The following EHMT1 variants were observed in gnomAD, a reference collection of about 807,000 sequenced individuals.
EHMT1 encodes histone-lysine N-methyltransferase EHMT1.
In EHMT1, 15 loss-of-function variants were observed where a neutral mutation model predicts 147.2. The ratio of observed to expected loss-of-function variants is 0.10; its 90% CI spans 0.07 to 0.16. EHMT1 has a LOEUF of 0.16. Ranked by LOEUF, EHMT1 falls within the 10% of genes least tolerant of loss-of-function variation. The probability of loss-of-function intolerance (pLI) is 1.00; values close to 1 mark genes in which losing one functional copy is unlikely to be tolerated. For synonymous variants in EHMT1, 795 were observed against 709.6 expected (o/e 1.12, Z -1.91); for missense variants, 1,587 against 1,772.4 (o/e 0.90, Z 1.88).
At chr9:137,710,629 C>G (rs911309224) in intron 1 of EHMT1, among the ~76,000 whole-genome samples, 7 of 152,068 alleles carry the variant, frequency 4.6e-5, no homozygotes, top group Non-Finnish European at 2.9e-5. Context: ...GAATTATTGT[C>G]AGCAGTAGAA....
intron 1 of EHMT1, among the ~76,000 whole-genome samples, chr9:137,636,489 G>A (rs953432477): frequency 6.6e-6 from 1 of 152,068 alleles, no homozygotes; most frequent in African/African-American, 2.4e-5. Flanking sequence ...TTAGAGGAAA[G>A]CTTTTAGTTT....
chr9:137,660,124 C>A (rs1440173963), intron 1 of EHMT1, among the ~76,000 whole-genome samples: 2 of 151,920 alleles, frequency 1.3e-5, no homozygotes, highest in Non-Finnish European at 2.9e-5. Context: ...CGCTTGAGCT[C>A]AAGAGCTCGA....
rs1264927330 is a variant in EHMT1 at position 137,828,179 on chromosome 9, AG to A, written c.3541-6164del. Among the ~76,000 whole-genome samples, 2 of 152,022 alleles carry A rather than the reference AG, an allele frequency of 1.3e-5. No homozygotes were observed. Among genetic ancestry groups the A allele is most frequent in the African/African-American group, 4.8e-5 (2 of 41,386 alleles). On this transcript the variant is annotated intron_variant, in intron 25 of 26. Coordinates refer to ENST00000460843, the MANE Select transcript of EHMT1 (RefSeq NM_024757.5). This position sits in a 1 kb window ranked among gnomAD's most constrained non-coding sequence, Gnocchi z 5.3. ...TGTGCTGTGACCATCCACAGGCCCC[AG>A]GGGGGTGCTGGCGGGCATCAGGGAA...
Position 137,757,947 on chromosome 9 carries a change from C to T in EHMT1, c.1437C>T (p.Tyr479=), listed in dbSNP as rs765123516. Residue 479 remains tyrosine (Y), a synonymous_variant, in exon 9 of 27, where the codon TAC becomes TAT. Transcript: ENST00000460843. ...EQTAPGDSTG[Y]MEVSLDSLDL... Reference sequence around the variant, plus strand: ...CGGCACCAGGAGACAGCACAGGGTACATGGAAGTTTCTCTGGACTCCCTGG... The same window carrying T: ...CGGCACCAGGAGACAGCACAGGGTATATGGAAGTTTCTCTGGACTCCCTGG... 6.2e-7 allele frequency: 1 copy of T among 1,614,032 alleles called. No individual in the cohort carries two copies. The highest frequency in any genetic ancestry group is 1.1e-5 in the South Asian group (1 of 91,070).
chr9:137,670,014 C>T (rs937237243), intron 1 of EHMT1, among the ~76,000 whole-genome samples: 1 of 152,136 alleles, frequency 6.6e-6, no homozygotes, highest in South Asian at 2.1e-4. Context: ...TGTGCCATCA[C>T]GCCCAGCTAA....
chr9:137,828,253 G>C lies in EHMT1; in HGVS notation c.3541-6096G>C, dbSNP rs778128714. Among the ~76,000 whole-genome samples, 12 of 151,908 alleles carry C rather than the reference G, an allele frequency of 7.9e-5. No homozygotes were observed. Among genetic ancestry groups the C allele is most frequent in the Non-Finnish European group, 1.5e-4 (10 of 67,928 alleles). ...GCAGGGGTCAGAGGGGTGTGCCCAGGAGGAGCCCCTCTGCATTCTTCAGGG... is the reference window on the plus strand; with the variant it reads ...GCAGGGGTCAGAGGGGTGTGCCCAGCAGGAGCCCCTCTGCATTCTTCAGGG... On this transcript the variant is annotated intron_variant, in intron 25 of 26. Coordinates refer to ENST00000460843, the MANE Select transcript of EHMT1 (RefSeq NM_024757.5). The surrounding 1 kb of genome is among the most constrained non-coding windows in gnomAD (Gnocchi z 5.3).
Position 137,669,776 on chromosome 9 carries a change from C to G in EHMT1, c.22-41191C>G, listed in dbSNP as rs1020613538. ...TTATGTTGTCCAGGCTGTTCTTGAA[C>G]TCTTGGCCTTAAGTGATCCTCCCAT... On this transcript the variant is annotated intron_variant, in intron 1 of 26. Transcript: ENST00000460843. Among the ~76,000 whole-genome samples the G allele has an allele frequency of 2.0e-5, 3 of 152,180 alleles. No homozygotes were observed. In the East Asian group the frequency reaches 5.8e-4, roughly 29 times the overall value.
At chr9:137,637,107 C>T (rs904378170) in intron 1 of EHMT1, among the ~76,000 whole-genome samples, 1 of 151,758 alleles carries the variant, frequency 6.6e-6, no homozygotes, top group African/African-American at 2.4e-5. Flanking sequence ...CTGTGTTAGT[C>T]AGGATGGTCT....
chr9:137,760,330 T>C (rs10780188), intron 9 of EHMT1, among the ~76,000 whole-genome samples: 50,252 of 152,094 alleles, frequency 0.33, 8,583 homozygotes, highest in Admixed American at 0.43. Context: ...TGGCTGCTGT[T>C]GGCCAGTGCT....
chr9:137,808,059 G>C (rs1426180135), intron 18 of EHMT1, among the ~76,000 whole-genome samples: 1 of 152,184 alleles, frequency 6.6e-6, no homozygotes, highest in African/African-American at 2.4e-5. Flanking sequence ...GATCATGTTG[G>C]ATTTTGCTTT....
At chr9:137,724,350 A>G (rs1588386905) in intron 3 of EHMT1, among the ~76,000 whole-genome samples, 1 of 143,810 alleles carries the variant, frequency 7.0e-6, no homozygotes. Flanking sequence ...AGCCTCGGGG[A>G]AGGGCTGCCC....
At chr9:137,821,546 C>T (rs1293668516) in intron 25 of EHMT1, among the ~76,000 whole-genome samples, 1 of 151,856 alleles carries the variant, frequency 6.6e-6, no homozygotes, top group African/African-American at 2.4e-5. Context: ...TGCCCAGGCT[C>T]GTCTCAAATT....
intron 7 of EHMT1, among the ~76,000 whole-genome samples, chr9:137,752,643 G>A (rs535429498): frequency 2.0e-5 from 3 of 152,352 alleles, no homozygotes; most frequent in East Asian, 1.9e-4. Flanking sequence ...CCCCAGCTGC[G>A]TGCTGGGTGG....
At chr9:137,695,188 T>C (rs1033159079) in intron 1 of EHMT1, among the ~76,000 whole-genome samples, 3 of 152,206 alleles carry the variant, frequency 2.0e-5, no homozygotes, top group African/African-American at 7.2e-5. Context: ...ACGTGTTTCT[T>C]CTGTAAGGAG....
In EHMT1 at chr9:137,710,992, A is replaced by G; in HGVS notation, c.47A>G (p.Gln16Arg). 1 of 1,599,618 alleles carries G rather than the reference A, an allele frequency of 6.3e-7. No individual in the cohort carries two copies. Among genetic ancestry groups the G allele is most frequent in the South Asian group, 1.1e-5 (1 of 87,938 alleles). ...AEAVPARGEP[Q>R]QDCCVKTELL... Reference sequence around the variant, plus strand: ...GCAGTTCCGGCGAGGGGGGAGCCTCAGCAGGATTGCTGTGTGAAAACCGAG... The same window carrying G: ...GCAGTTCCGGCGAGGGGGGAGCCTCGGCAGGATTGCTGTGTGAAAACCGAG... The change falls in exon 2 of 27, where the codon CAG becomes CGG. Residue 16 changes from glutamine (Q) to arginine (R), a missense_variant. Around this residue, in one of 7 missense-constraint regions of EHMT1, gnomAD observed 810 missense variants for 673.0 expected, o/e 1.20. Coordinates refer to ENST00000460843, the MANE Select transcript of EHMT1 (RefSeq NM_024757.5).
intron 1 of EHMT1, among the ~76,000 whole-genome samples, chr9:137,695,154 C>T (rs979939116): frequency 2.0e-5 from 3 of 152,220 alleles, no homozygotes; most frequent in Admixed American, 1.3e-4. Flanking sequence ...ACCGGCCGCC[C>T]GGCCCTGTGT....
intron 1 of EHMT1, among the ~76,000 whole-genome samples, chr9:137,625,111 A>G (rs1427729976): frequency 6.6e-6 from 1 of 150,972 alleles, no homozygotes; most frequent in African/African-American, 2.4e-5. Flanking sequence ...AAAATTCCTG[A>G]CCTCAGGTGA....
At chr9:137,679,474 G>T (rs1382680208) in intron 1 of EHMT1, among the ~76,000 whole-genome samples, 1 of 152,156 alleles carries the variant, frequency 6.6e-6, no homozygotes, top group Non-Finnish European at 1.5e-5. Flanking sequence ...AGGGGTTACT[G>T]ATGTGGAGTT....
chr9:137,810,981 G>T (rs1179040221), intron 18 of EHMT1, among the ~76,000 whole-genome samples: 2 of 152,130 alleles, frequency 1.3e-5, no homozygotes, highest in Non-Finnish European at 2.9e-5. Flanking sequence ...GATTACAGGC[G>T]TGAGCCACCA....
Sources: gnomAD v4.1 joint callset for allele counts (sites outside exome capture counted in the v4.1 genomes callset) on GRCh38, gnomAD v4.1.1 for gene constraint, gnomAD v4.1.1 regional missense constraint, Gnocchi (gnomAD v3.1) non-coding constraint, MANE v1.5 for transcripts, NCBI Gene and HGNC (gene_info 2026-07-23, HGNC 2026-07-21) for gene names.